SYT16: variants seen among roughly 807,000 people sequenced by gnomAD.
SYT16 encodes the protein synaptotagmin-16.
SYT16 carries 42 observed loss-of-function variants against 61.4 expected under a neutral mutation model. That is an observed-to-expected ratio of 0.68 (90% confidence interval 0.53 to 0.89). The LOEUF is 0.89. Among genes scored for constraint, SYT16 ranks in the 40% least tolerant of loss-of-function variants. The probability of loss-of-function intolerance (pLI) is 0.00; values close to 1 mark genes in which losing one functional copy is unlikely to be tolerated. For missense variants in SYT16, 804 were observed against 807.3 expected (o/e 1.00, Z 0.05); for synonymous variants, 314 against 302.3 (o/e 1.04, Z -0.40).
chr14:61,826,900 C>T (rs914300603), intron 1 of SYT16, among the ~76,000 whole-genome samples: 12 of 151,906 alleles, frequency 7.9e-5, no homozygotes, highest in Admixed American at 6.6e-5. Context: ...CCTGGCTTGC[C>T]GGTGGCACCT....
chr14:61,853,065 T>C (rs2046663309), intron 1 of SYT16, among the ~76,000 whole-genome samples: 1 of 152,110 alleles, frequency 6.6e-6, no homozygotes, highest in South Asian at 2.1e-4. Flanking sequence ...ATTACAGGCA[T>C]CTGCCACCAT....
intron 1 of SYT16, among the ~76,000 whole-genome samples, chr14:61,965,295 A>G (rs2784505): frequency 0.14 from 21,805 of 152,154 alleles, 2,908 homozygotes; most frequent in African/African-American, 0.35. Context: ...GCATGTAATC[A>G]AATCTACAGT....
intron 2 of SYT16, among the ~76,000 whole-genome samples, chr14:61,992,632 A>T (rs1254281775): frequency 6.6e-6 from 1 of 151,952 alleles, no homozygotes; most frequent in Admixed American, 6.6e-5. Context: ...TGGTGCTGAT[A>T]ATTATTATTA....
At chr14:62,004,741 G>A (rs891798229) in intron 3 of SYT16, among the ~76,000 whole-genome samples, 1 of 152,186 alleles carries the variant, frequency 6.6e-6, no homozygotes, top group Admixed American at 6.5e-5. Context: ...CATTACTGTG[G>A]AGGCAGAAGA....
intron 1 of SYT16, among the ~76,000 whole-genome samples, chr14:61,931,656 T>G (rs924594150): frequency 6.6e-6 from 1 of 152,230 alleles, no homozygotes; most frequent in African/African-American, 2.4e-5. Context: ...TATTGAACTT[T>G]TAGGTTGTTT....
chr14:61,892,814 A>G (rs985340690), intron 1 of SYT16, among the ~76,000 whole-genome samples: 6 of 152,166 alleles, frequency 3.9e-5, no homozygotes, highest in African/African-American at 1.4e-4. Flanking sequence ...CAAGAAAACT[A>G]AGGCACCATT....
intron 3 of SYT16, among the ~76,000 whole-genome samples, chr14:62,053,880 A>G (rs996521930): frequency 1.3e-5 from 2 of 152,212 alleles, no homozygotes; most frequent in African/African-American, 4.8e-5. Flanking sequence ...GAATGCCTAA[A>G]AAGTCGAGGT....
chr14:61,995,821 A>G, intron 2 of SYT16, 55 bp from the exon 3 acceptor site: 1 of 464,640 alleles, frequency 2.2e-6, no homozygotes, highest in Admixed American at 4.0e-5. Context: ...GTATCTGGTG[A>G]TGGGTCTGAG....
chr14:61,814,266 T>C (rs2045357640), intron 1 of SYT16, among the ~76,000 whole-genome samples: 4 of 152,208 alleles, frequency 2.6e-5, no homozygotes, highest in African/African-American at 2.4e-5. Context: ...CAAAGTGTGA[T>C]TCCATTCGTG....
At chr14:61,885,903 G>A (rs1035182184) in intron 1 of SYT16, among the ~76,000 whole-genome samples, 2 of 151,708 alleles carry the variant, frequency 1.3e-5, no homozygotes, top group Non-Finnish European at 2.9e-5. Context: ...GTTTTGCTTC[G>A]ATGTTGATGG....
At chr14:61,885,787 A>G (rs1039755602) in intron 1 of SYT16, among the ~76,000 whole-genome samples, 11 of 152,188 alleles carry the variant, frequency 7.2e-5, no homozygotes, top group Middle Eastern at 3.2e-3. Flanking sequence ...AGTGTGCAAT[A>G]AAGTGATGCC....
intron 1 of SYT16, among the ~76,000 whole-genome samples, chr14:61,836,243 C>A (rs1029737023): frequency 6.6e-6 from 1 of 152,194 alleles, no homozygotes; most frequent in Non-Finnish European, 1.5e-5. Context: ...TCTCATGGTA[C>A]CTTCCACCTC....
At chr14:62,018,298 C>CCTTTT (rs2053774464) in intron 3 of SYT16, among the ~76,000 whole-genome samples, 1 of 51,622 alleles carries the variant, frequency 1.9e-5, no homozygotes, top group Non-Finnish European at 3.3e-5. Context: ...TCTTCTTCTT[C>CCTTTT]TTTTTTTTTT....
At chr14:61,941,177 A>G (rs1355404944) in intron 1 of SYT16, among the ~76,000 whole-genome samples, 1 of 152,108 alleles carries the variant, frequency 6.6e-6, no homozygotes, top group Admixed American at 6.5e-5. Context: ...TTAATTGCAC[A>G]AACGCCAGCC....
intron 1 of SYT16, among the ~76,000 whole-genome samples, chr14:61,929,389 G>A (rs974905183): frequency 3.9e-5 from 6 of 152,176 alleles, no homozygotes; most frequent in Non-Finnish European, 8.8e-5. Flanking sequence ...TATGTTGTTT[G>A]TAGGGGAGGA....
At chr14:62,081,575 T>C (rs2056709004) in intron 6 of SYT16, among the ~76,000 whole-genome samples, 2 of 152,294 alleles carry the variant, frequency 1.3e-5, no homozygotes, top group Non-Finnish European at 1.5e-5. Context: ...TGTGGATAAC[T>C]GATCCTACTC....
At chr14:61,839,777 T>C (rs1448637395) in intron 1 of SYT16, among the ~76,000 whole-genome samples, 1 of 152,238 alleles carries the variant, frequency 6.6e-6, no homozygotes. Flanking sequence ...TGTTGCATTA[T>C]ATTCCCATGC....
At chr14:61,823,574 CAAAAAAAAA>C (rs55935256) in intron 1 of SYT16, among the ~76,000 whole-genome samples, 1 of 71,046 alleles carries the variant, frequency 1.4e-5, no homozygotes, top group African/African-American at 5.5e-5. Flanking sequence ...ACTAAAAATA[CAAAAAAAAA>C]AAAAAAAAAA....
chr14:61,970,991 A>G (rs186797189), intron 2 of SYT16, among the ~76,000 whole-genome samples: 1 of 151,222 alleles, frequency 6.6e-6, no homozygotes, highest in Non-Finnish European at 1.5e-5. Context: ...CCCACGAGGT[A>G]TGGGGCATGA....
Sources: allele counts gnomAD v4.1 joint callset (sites outside exome capture counted in the v4.1 genomes callset), GRCh38; gene constraint gnomAD v4.1.1; transcripts MANE v1.5; gene names NCBI Gene and HGNC (gene_info 2026-07-23, HGNC 2026-07-21).